SPRR2G: variants seen among roughly 807,000 people sequenced by gnomAD.
SPRR2G encodes the protein small proline rich protein 2G.
SPRR2G carries 1 observed loss-of-function variant against 0.7 expected under a neutral mutation model. The ratio of observed to expected loss-of-function variants is 1.49; its 90% CI spans 0.53 to 7.06. The LOEUF is 7.06. SPRR2G is among the 30% of genes most tolerant of loss of function. SPRR2G has a pLI of 0.14. For missense variants in SPRR2G, 96 were observed against 88.5 expected (o/e 1.09, Z -0.34); for synonymous variants, 38 against 33.9 (o/e 1.12, Z -0.42).
At chr1:153,172,054 C>G in the SPRR2G span, among the ~76,000 whole-genome samples, 1 of 152,124 alleles carries the variant, frequency 6.6e-6, no homozygotes. Flanking sequence ...GAAATTGGAG[C>G]GACCTACAGC....
the SPRR2G span, among the ~76,000 whole-genome samples, chr1:153,187,584 C>CTA: frequency 6.6e-6 from 1 of 151,990 alleles, no homozygotes; most frequent in African/African-American, 2.4e-5. Context: ...ACTGGTTATT[C>CTA]TAGTTAGCAA....
At chr1:153,168,660 A>G in the SPRR2G span, among the ~76,000 whole-genome samples, 22 of 152,194 alleles carry the variant, frequency 1.4e-4, no homozygotes, top group African/African-American at 4.1e-4. Context: ...ATCCTATGGA[A>G]AGGCATTGAT....
chr1:153,159,581 T>C, the SPRR2G span, among the ~76,000 whole-genome samples: 1 of 152,320 alleles, frequency 6.6e-6, no homozygotes, highest in South Asian at 2.1e-4. Context: ...CAGTACCCAT[T>C]CTGCTGGTAC....
chr1:153,154,626 C>T (rs1656544884), upstream of SPRR2G, among the ~76,000 whole-genome samples: 1 of 151,964 alleles, frequency 6.6e-6, no homozygotes, highest in Non-Finnish European at 1.5e-5. Context: ...CTAGGTTATC[C>T]AATTTATTGC....
chr1:153,180,795 C>T, the SPRR2G span, among the ~76,000 whole-genome samples: 1 of 152,098 alleles, frequency 6.6e-6, no homozygotes, highest in Admixed American at 6.6e-5. Flanking sequence ...TATCTTTTTT[C>T]GTGTTAGCCA....
At chr1:153,160,639 G>T in the SPRR2G span, among the ~76,000 whole-genome samples, 2 of 151,944 alleles carry the variant, frequency 1.3e-5, no homozygotes, top group African/African-American at 4.8e-5. Context: ...TTACACTGTT[G>T]GTGGGACTGT....
the SPRR2G span, among the ~76,000 whole-genome samples, chr1:153,168,458 G>A: frequency 6.6e-6 from 1 of 152,090 alleles, no homozygotes; most frequent in Non-Finnish European, 1.5e-5. Context: ...CATTAATTCT[G>A]TACCTATATT....
the SPRR2G span, among the ~76,000 whole-genome samples, chr1:153,181,839 T>G: frequency 2.0e-5 from 3 of 152,056 alleles, no homozygotes; most frequent in East Asian, 5.8e-4. Context: ...GACTCTTAGG[T>G]TGATTCCATA....
chr1:153,164,952 C>T, the SPRR2G span, among the ~76,000 whole-genome samples: 2 of 152,206 alleles, frequency 1.3e-5, no homozygotes, highest in African/African-American at 4.8e-5. Context: ...ACACACTTCT[C>T]ACCTCTCCCT....
At chr1:153,187,559 T>A in the SPRR2G span, among the ~76,000 whole-genome samples, 1 of 152,112 alleles carries the variant, frequency 6.6e-6, no homozygotes. Context: ...TCAGGTCATT[T>A]ATCTTCTTCT....
At chr1:153,150,335 C>G (rs1656439555) in intron 1 of SPRR2G, among the ~76,000 whole-genome samples, 1 of 152,166 alleles carries the variant, frequency 6.6e-6, no homozygotes. Context: ...TCTCATTCTA[C>G]CATTTTCTGA....
At chr1:153,188,093 G>T in the SPRR2G span, among the ~76,000 whole-genome samples, 2 of 152,112 alleles carry the variant, frequency 1.3e-5, no homozygotes, top group African/African-American at 2.4e-5. Context: ...TCCCACAGGG[G>T]TACCTGCCTG....
intron 1 of SPRR2G, 134 bp from the exon 2 acceptor site, chr1:153,150,265 T>G (rs1384002953): frequency 7.8e-7 from 1 of 1,275,984 alleles, no homozygotes; most frequent in African/African-American, 1.5e-5. Flanking sequence ...TTTGTGAACC[T>G]TCTTCACACT....
At chr1:153,157,430 A>G in the SPRR2G span, among the ~76,000 whole-genome samples, 2 of 152,214 alleles carry the variant, frequency 1.3e-5, no homozygotes, top group African/African-American at 4.8e-5. Context: ...ATAATTTTTG[A>G]AGCTAGGTGA....
the SPRR2G span, among the ~76,000 whole-genome samples, chr1:153,174,238 A>C: frequency 6.6e-6 from 1 of 152,234 alleles, no homozygotes; most frequent in Non-Finnish European, 1.5e-5. Flanking sequence ...TGTAATTAAT[A>C]GCATTTAGTT....
chr1:153,152,926 G>A (rs560498363), upstream of SPRR2G, among the ~76,000 whole-genome samples: 1 of 152,192 alleles, frequency 6.6e-6, no homozygotes, highest in South Asian at 2.1e-4. Context: ...GGGCTTTTCA[G>A]AAAAGAATGC....
At chr1:153,193,921 G>A in the SPRR2G span, among the ~76,000 whole-genome samples, 1 of 152,116 alleles carries the variant, frequency 6.6e-6, no homozygotes, top group African/African-American at 2.4e-5. Flanking sequence ...AGAGCCCCTT[G>A]CACACTTCCT....
At chr1:153,198,422 G>C in the SPRR2G span, among the ~76,000 whole-genome samples, 1 of 152,202 alleles carries the variant, frequency 6.6e-6, no homozygotes, top group South Asian at 2.1e-4. Flanking sequence ...TGGAGACAGG[G>C]AGACCTGTGA....
At chr1:153,197,467 G>A in the SPRR2G span, among the ~76,000 whole-genome samples, 1 of 152,214 alleles carries the variant, frequency 6.6e-6, no homozygotes, top group East Asian at 1.9e-4. Context: ...CTGACAGACA[G>A]TTTATTTGAT....
Sources: gnomAD v4.1 joint callset for allele counts (sites outside exome capture counted in the v4.1 genomes callset) on GRCh38, gnomAD v4.1.1 for gene constraint, MANE v1.5 for transcripts, NCBI Gene and HGNC (gene_info 2026-07-23, HGNC 2026-07-21) for gene names.